The following GNAL variants were observed in gnomAD, a reference collection of about 807,000 sequenced individuals.
GNAL encodes the protein guanine nucleotide-binding protein G(olf) subunit alpha.
GNAL carries 18 observed loss-of-function variants against 55.1 expected under a neutral mutation model. The ratio of observed to expected loss-of-function variants is 0.33; its 90% CI spans 0.23 to 0.48. The LOEUF is 0.48. GNAL is among the 20% of genes least tolerant of loss of function. The probability of loss-of-function intolerance (pLI) is 0.99; values close to 1 mark genes in which losing one functional copy is unlikely to be tolerated. For synonymous variants in GNAL, 253 were observed against 237.0 expected (o/e 1.07, Z -0.62); for missense variants, 412 against 614.1 (o/e 0.67, Z 3.48).
At chr18:11,722,103 G>T (rs994259129) in intron 1 of GNAL, among the ~76,000 whole-genome samples, 1 of 152,076 alleles carries the variant, frequency 6.6e-6, no homozygotes, top group African/African-American at 2.4e-5. Flanking sequence ...CCTTGGTTTT[G>T]AATTGACAAA....
intron 4 of GNAL, among the ~76,000 whole-genome samples, chr18:11,793,889 C>T (rs1466220667): frequency 7.2e-6 from 1 of 138,278 alleles, no homozygotes; most frequent in Admixed American, 8.1e-5. Flanking sequence ...TCCAGCCTGG[C>T]GACAGTGAGA....
intron 4 of GNAL, among the ~76,000 whole-genome samples, chr18:11,792,340 C>T (rs1249663191): frequency 2.6e-5 from 4 of 152,122 alleles, no homozygotes; most frequent in African/African-American, 2.4e-5. Context: ...CGCACACCAC[C>T]GCACCTGGCT....
rs572651202 is a variant in GNAL, at chr18:11,825,935, C to CT, written c.722+921dup. Among the ~76,000 whole-genome samples, 39 of 152,140 alleles carry CT rather than the reference C, an allele frequency of 2.6e-4. No homozygotes were observed. In the South Asian group the frequency reaches 7.9e-3, roughly 31 times the overall value. On this transcript the variant is annotated intron_variant, in intron 5 of 11. Transcript: ENST00000334049. ...TTTGATAATTAAAAATTGTAGTTGA[C>CT]TAGTTGTTTTATGTAAAGCTGTGGA...
Position 11,752,353 on chromosome 18 carries a change from C to G in GNAL, c.377-500C>G. ...GCAGCAGGAAAGAGAGGAGCCGTCG[C>G]AGGAGCCGCACACGTCTCCAACTCT... On this transcript the variant is annotated intron_variant, in intron 1 of 11. Coordinates refer to ENST00000334049, the MANE Select transcript of GNAL (RefSeq NM_182978.4). This position sits in a 1 kb window ranked among gnomAD's most constrained non-coding sequence, Gnocchi z 4.5. 1 of 1,504,176 alleles carries G rather than the reference C, an allele frequency of 6.6e-7. No individual in the cohort carries two copies. Among genetic ancestry groups the G allele is most frequent in the East Asian group, 2.6e-5 (1 of 38,256 alleles). 93.2% of individuals were successfully genotyped at this position (1,504,176 alleles called of 1,614,324 possible). A position where few individuals can be genotyped will look rare whatever the true frequency, so the allele number is the denominator to read the frequency against.
chr18:11,830,399 G>A (rs2035354372), intron 5 of GNAL, among the ~76,000 whole-genome samples: 1 of 146,978 alleles, frequency 6.8e-6, no homozygotes, highest in Admixed American at 7.2e-5. Context: ...CGATTCTCCT[G>A]CCTCAGCCTC....
At chr18:11,880,701 ACT>A (rs1193992312) in intron 11 of GNAL, among the ~76,000 whole-genome samples, 2 of 151,946 alleles carry the variant, frequency 1.3e-5, no homozygotes, top group African/African-American at 4.8e-5. Flanking sequence ...GTCACAGAAA[ACT>A]CTGTTCAGAC....
chr18:11,760,067 C>T lies in GNAL; in HGVS notation c.624+6122C>T, dbSNP rs185902606. 3.2e-4 allele frequency among the ~76,000 whole-genome samples: 48 copies of T among 152,186 alleles called. No homozygotes were observed. In the East Asian group the frequency reaches 6.6e-3, roughly 21 times the overall value. On this transcript the variant is annotated intron_variant, in intron 4 of 11. Transcript: ENST00000334049. ...AGAAAATGATGGGGCTGGCTGTGTT[C>T]GCTCCCTGAGGACCAGGCCTCTTTC...
intron 11 of GNAL, among the ~76,000 whole-genome samples, chr18:11,880,647 T>C (rs532941491): frequency 7.0e-4 from 106 of 152,318 alleles, no homozygotes; most frequent in South Asian, 3.1e-3. Flanking sequence ...ATCAGCTAGA[T>C]AGCGACTATC....
chr18:11,807,394 G>A (rs2034693475), intron 4 of GNAL, among the ~76,000 whole-genome samples: 1 of 152,104 alleles, frequency 6.6e-6, no homozygotes, highest in South Asian at 2.1e-4. Flanking sequence ...TGGACTAGAT[G>A]ATGATGGCTT....
chr18:11,736,763 G>T (rs1425478715), intron 1 of GNAL, among the ~76,000 whole-genome samples: 1 of 152,232 alleles, frequency 6.6e-6, no homozygotes, highest in African/African-American at 2.4e-5. Context: ...GAAGGATGGG[G>T]AGATTGCTAC....
intron 11 of GNAL, among the ~76,000 whole-genome samples, chr18:11,879,734 T>C (rs183788165): frequency 1.0e-3 from 157 of 152,326 alleles, no homozygotes; most frequent in African/African-American, 3.5e-3. Flanking sequence ...AGCTTCATAG[T>C]GCACATTAGC....
intron 4 of GNAL, among the ~76,000 whole-genome samples, chr18:11,777,463 A>G (rs1453462976): frequency 1.3e-5 from 2 of 152,232 alleles, no homozygotes; most frequent in Non-Finnish European, 2.9e-5. Flanking sequence ...ACAGCAATAC[A>G]TGCTACTTGA....
In GNAL at chr18:11,689,830, C is replaced by A. The variant is rs1166685153; in HGVS notation, c.267C>A (p.Ala89=). ...EQLSAEEREA[A]KEREAVKEAR... is the part of the protein sequence containing the mutation. ...TGAGTGCCGAGGAGCGCGAGGCGGCCAAGGAGCGCGAGGCGGTCAAGGAGG... is the reference window on the plus strand; with the variant it reads ...TGAGTGCCGAGGAGCGCGAGGCGGCAAAGGAGCGCGAGGCGGTCAAGGAGG... Residue 89 remains alanine, a synonymous_variant, in exon 1 of 12, where the codon GCC becomes GCA. Coordinates refer to ENST00000334049, the MANE Select transcript of GNAL (RefSeq NM_182978.4). The A allele has an allele frequency of 1.3e-6, 2 of 1,537,684 alleles. No homozygotes were observed. The highest frequency in any genetic ancestry group is 2.6e-5 in the East Asian group (1 of 38,288).
At chr18:11,709,221 T>A (rs181683520) in intron 1 of GNAL, among the ~76,000 whole-genome samples, 1,964 of 152,166 alleles carry the variant, frequency 0.013, 31 homozygotes, top group African/African-American at 0.045. Context: ...TGTTTTGAAA[T>A]TAGGAAATGT....
chr18:11,865,756 A>G (rs1394584765), intron 7 of GNAL, among the ~76,000 whole-genome samples: 1 of 103,912 alleles, frequency 9.6e-6, no homozygotes, highest in South Asian at 3.2e-4. Context: ...CCCTGTCTCT[A>G]AAAAAAAAAA....
chr18:11,857,412 G>A (rs1403877718), intron 5 of GNAL: 11 of 838,670 alleles, frequency 1.3e-5, no homozygotes, highest in African/African-American at 1.8e-5. Flanking sequence ...AGGGAGTTTT[G>A]ACTGGAGTGG....
rs1178788619 is a variant in GNAL, at chr18:11,689,692, G to A, written c.129G>A (p.Ala43=). The change falls in exon 1 of 12, where the codon GCG becomes GCA. Residue 43 remains alanine (A), a synonymous_variant. Coordinates refer to ENST00000334049, the MANE Select transcript of GNAL (RefSeq NM_182978.4). ...APAPALAPVR[A]AARDTARTLL... ...CCCCGGCCCTGGCCCCAGTCCGGGC[G>A]GCCGCAAGGGACACGGCCCGGACCC... 3 of 1,467,716 alleles carry A rather than the reference G, an allele frequency of 2.0e-6. No individual in the cohort carries two copies. The South Asian group carries it at 3.9e-5, about 19-fold the overall frequency. The allele number at this position is 1,467,716 out of a possible 1,614,324, so 90.9% of individuals were successfully genotyped here.
chr18:11,765,776 A>G (rs2033388074), intron 4 of GNAL, among the ~76,000 whole-genome samples: 2 of 152,122 alleles, frequency 1.3e-5, no homozygotes, highest in African/African-American at 4.8e-5. Context: ...TCCATTGTGT[A>G]TTTGTGTACC....
At chr18:11,862,845 C>A (rs2036178136) in intron 6 of GNAL, among the ~76,000 whole-genome samples, 1 of 150,750 alleles carries the variant, frequency 6.6e-6, no homozygotes. Flanking sequence ...CCAGAGCATC[C>A]CCTTTGGGTT....
Sources: gnomAD v4.1 joint callset for allele counts (sites outside exome capture counted in the v4.1 genomes callset) on GRCh38, gnomAD v4.1.1 for gene constraint, Gnocchi (gnomAD v3.1) non-coding constraint, MANE v1.5 for transcripts, NCBI Gene and HGNC (gene_info 2026-07-23, HGNC 2026-07-21) for gene names.